SPTSSA: variants seen among roughly 807,000 people sequenced by gnomAD.
The protein encoded by SPTSSA is small subunit of serine palmitoyltransferase A.
A neutral mutation model predicts 9.1 loss-of-function variants in SPTSSA; 8 were observed. The observed-to-expected ratio is 0.88, with a 90% CI of 0.51 to 1.58. The LOEUF is 1.58. SPTSSA is among the 40% of genes most tolerant of loss of function. The pLI is 0.00. For synonymous variants in SPTSSA, 42 were observed against 37.7 expected (o/e 1.11, Z -0.41); for missense variants, 100 against 93.8 (o/e 1.07, Z -0.27).
chr14:34,445,320 T>C (rs192335957), intron 1 of SPTSSA, among the ~76,000 whole-genome samples: 7 of 152,040 alleles, frequency 4.6e-5, no homozygotes, highest in Admixed American at 3.3e-4. Flanking sequence ...CTGGCCAACA[T>C]GGCCAAACCC....
intron 1 of SPTSSA, among the ~76,000 whole-genome samples, chr14:34,436,920 A>G (rs1376088553): frequency 6.6e-6 from 1 of 150,440 alleles, no homozygotes; most frequent in African/African-American, 2.5e-5. Context: ...GCCGCCTTCT[A>G]TTTACTAATT....
intron 1 of SPTSSA, among the ~76,000 whole-genome samples, chr14:34,453,898 G>C (rs896251298): frequency 1.3e-5 from 2 of 151,342 alleles, no homozygotes; most frequent in Non-Finnish European, 2.9e-5. Flanking sequence ...AAAAAAAAGA[G>C]GCCAGGTCCG....
chr14:34,447,084 C>T (rs147482485), intron 1 of SPTSSA, among the ~76,000 whole-genome samples: 1,648 of 151,820 alleles, frequency 0.011, 33 homozygotes, highest in African/African-American at 0.038. Flanking sequence ...ATTAGCCGGC[C>T]GTGGTGGCAG....
chr14:34,440,896 G>T (rs1285484386), intron 1 of SPTSSA, among the ~76,000 whole-genome samples: 1 of 150,604 alleles, frequency 6.6e-6, no homozygotes, highest in Non-Finnish European at 1.5e-5. Context: ...AAAAAAAAAA[G>T]TAAAAAAAGA....
chr14:34,439,978 T>C (rs1336590722), intron 1 of SPTSSA, among the ~76,000 whole-genome samples: 1 of 152,324 alleles, frequency 6.6e-6, no homozygotes, highest in East Asian at 1.9e-4. Context: ...GCATTCATAA[T>C]TTTTCCCATT....
intron 1 of SPTSSA, among the ~76,000 whole-genome samples, chr14:34,452,454 A>C (rs749900659): frequency 6.6e-6 from 1 of 152,190 alleles, no homozygotes; most frequent in Admixed American, 6.5e-5. Context: ...AGTGTTTAGC[A>C]AGCAAAATCC....
rs151009081 is a variant in SPTSSA, at chr14:34,438,352, T to C, written c.113-3048A>G. Among the ~76,000 whole-genome samples the C allele has an allele frequency of 1.7e-3, 253 of 152,252 alleles. 2 individuals are homozygous for C. Among genetic ancestry groups the C allele is most frequent in the African/African-American group, 5.6e-3 (234 of 41,528 alleles). ...AACCCGGTGAGCACACCTAATCCAG[T>C]ATCAAAAATGCTCCAACGGGCATTT... On this transcript the variant is annotated intron_variant, in intron 1 of 1. Coordinates refer to ENST00000298130, the MANE Select transcript of SPTSSA (RefSeq NM_138288.4).
intron 1 of SPTSSA, among the ~76,000 whole-genome samples, chr14:34,454,881 G>T (rs1378669479): frequency 6.6e-6 from 1 of 152,200 alleles, no homozygotes; most frequent in Non-Finnish European, 1.5e-5. Flanking sequence ...GAGGTCAGGA[G>T]TTCGAGACCA....
At chr14:34,446,441 T>C (rs1644286525) in intron 1 of SPTSSA, among the ~76,000 whole-genome samples, 1 of 152,224 alleles carries the variant, frequency 6.6e-6, no homozygotes, top group Admixed American at 6.5e-5. Context: ...GTTATGTGGA[T>C]TTATGGAGTG....
intron 1 of SPTSSA, among the ~76,000 whole-genome samples, chr14:34,440,315 G>A (rs751846391): frequency 2.6e-5 from 4 of 152,092 alleles, no homozygotes; most frequent in Admixed American, 6.6e-5. Context: ...CAGTTTCCAG[G>A]CAATATTGGA....
At chr14:34,444,041 T>C (rs1361976483) in intron 1 of SPTSSA, among the ~76,000 whole-genome samples, 1 of 152,168 alleles carries the variant, frequency 6.6e-6, no homozygotes, top group African/African-American at 2.4e-5. Context: ...TTCTTACTGG[T>C]CTCTGGCCCG....
At chr14:34,438,740 C>G (rs1047592733) in intron 1 of SPTSSA, among the ~76,000 whole-genome samples, 2 of 152,150 alleles carry the variant, frequency 1.3e-5, no homozygotes, top group Non-Finnish European at 2.9e-5. Context: ...ACAAATGACT[C>G]TTGTATCTCA....
chr14:34,443,395 T>TGTGTGTGTGTGTGTG (rs1414328863), intron 1 of SPTSSA, among the ~76,000 whole-genome samples: 1 of 19,102 alleles, frequency 5.2e-5, no homozygotes, highest in Non-Finnish European at 1.0e-4. Context: ...TGTGTGTGTG[T>TGTGTGTGTGTGTGTG]TTTGAGATGG....
chr14:34,436,835 G>A (rs1434995072), intron 1 of SPTSSA, among the ~76,000 whole-genome samples: 2 of 151,874 alleles, frequency 1.3e-5, no homozygotes, highest in East Asian at 1.9e-4. Flanking sequence ...CAGCAAACAA[G>A]AGCAGAAAGT....
chr14:34,458,131 A>G (rs1878528295), intron 1 of SPTSSA, among the ~76,000 whole-genome samples: 1 of 152,184 alleles, frequency 6.6e-6, no homozygotes, highest in African/African-American at 2.4e-5. Flanking sequence ...CCTTAAAAAC[A>G]CATCTTAAAA....
At chr14:34,443,300 T>C (rs1883359862) in intron 1 of SPTSSA, among the ~76,000 whole-genome samples, 1 of 42,144 alleles carries the variant, frequency 2.4e-5, no homozygotes, top group Non-Finnish European at 4.3e-5. Flanking sequence ...CTTAGCTCAC[T>C]GCAACCTCTG....
chr14:34,435,087 A>G lies in SPTSSA; in HGVS notation c.*114T>C, dbSNP rs1290200231. The G allele has an allele frequency of 2.1e-5, 14 of 658,028 alleles. No homozygotes were observed. The highest frequency in any genetic ancestry group is 3.6e-5 in the Non-Finnish European group (14 of 388,954). The allele number at this position is 658,028 out of a possible 1,614,324, so 40.8% of individuals were successfully genotyped here. On this transcript the variant is annotated 3_prime_UTR_variant, in exon 2 of 2. Coordinates refer to ENST00000298130, the MANE Select transcript of SPTSSA (RefSeq NM_138288.4). ...GTTCTACTCATGAATTTTAGTCTTT[A>G]TAAGGTTGGTTATGTTGACATCTAG...
intron 1 of SPTSSA, among the ~76,000 whole-genome samples, chr14:34,443,199 GTGTGTGTGT>G (rs1274730212): frequency 1.7e-4 from 2 of 11,680 alleles, no homozygotes; most frequent in Non-Finnish European, 2.6e-4. Context: ...CCTCTAGGGG[GTGTGTGTGT>G]GTGTGTGTGT....
intron 1 of SPTSSA, among the ~76,000 whole-genome samples, chr14:34,439,746 G>T (rs1207501943): frequency 6.6e-6 from 1 of 152,182 alleles, no homozygotes; most frequent in Non-Finnish European, 1.5e-5. Context: ...TCTAGTGTGT[G>T]TCTGGTACTA....
Sources: allele counts gnomAD v4.1 joint callset (sites outside exome capture counted in the v4.1 genomes callset), GRCh38; gene constraint gnomAD v4.1.1; transcripts MANE v1.5; gene names NCBI Gene and HGNC (gene_info 2026-07-23, HGNC 2026-07-21).